Variants in ANGPT1 observed in about 807,000 individuals in gnomAD.
The protein encoded by ANGPT1 is angiopoietin-1.
ANGPT1 carries 17 observed loss-of-function variants against 62.2 expected under a neutral mutation model. That is an observed-to-expected ratio of 0.27 (90% CI 0.19 to 0.41). The LOEUF (loss-of-function observed/expected upper bound fraction) is 0.41. ANGPT1 is among the 10% of genes least tolerant of loss of function. The pLI, the probability that ANGPT1 is intolerant of heterozygous loss-of-function variation, is 1.00. For synonymous variants in ANGPT1, 199 were observed against 198.9 expected, an observed-to-expected ratio of 1.00 and a Z score of 0.00; for missense variants, 478 against 594.9, an observed-to-expected ratio of 0.80 and a Z score of 2.04.
At chr8:107,273,917 C>T (rs1197521427) in intron 7 of ANGPT1, among the ~76,000 whole-genome samples, 3 of 148,276 alleles carry the variant, frequency 2.0e-5, no homozygotes, top group Non-Finnish European at 3.0e-5. Context: ...AAGTCCTTGG[C>T]TTCATCATTA....
In ANGPT1 at chr8:107,409,988, A is replaced by G. The variant is rs554341240; in HGVS notation, c.298-62891T>C. 1.8e-4 allele frequency among the ~76,000 whole-genome samples: 27 copies of G among 147,968 alleles called. No homozygotes were observed. The East Asian group carries it at 2.6e-3, about 14-fold the overall frequency. ...ATCCATCCATCCATCCATCCATCCA[A>G]CCATCCAAGATTTATTGAGCCAGAT... On this transcript the variant is annotated intron_variant, in intron 1 of 8. Coordinates refer to ENST00000517746, the MANE Select transcript of ANGPT1 (RefSeq NM_001146.5).
At position 107,372,370 on chromosome 8, in the gene ANGPT1, A is replaced by G. The variant is rs182520435; in HGVS notation, c.298-25273T>C. Reference sequence around the variant, plus strand: ...TGTATTTAATAAAGGGATATAAGAAAAAAATGTCGGGAAATGTGGGGTTAT... The same window carrying G: ...TGTATTTAATAAAGGGATATAAGAAGAAAATGTCGGGAAATGTGGGGTTAT... On this transcript the variant is annotated intron_variant, in intron 1 of 8. Coordinates refer to ENST00000517746, the MANE Select transcript of ANGPT1 (RefSeq NM_001146.5). 1.4e-4 allele frequency among the ~76,000 whole-genome samples: 21 copies of G among 152,300 alleles called. No individual in the cohort carries two copies. The East Asian group carries it at 4.1e-3, about 29-fold the overall frequency.
intron 1 of ANGPT1, among the ~76,000 whole-genome samples, chr8:107,436,698 C>G (rs1563622119): frequency 6.6e-6 from 1 of 152,098 alleles, no homozygotes; most frequent in African/African-American, 2.4e-5. Context: ...AAAATAGAAC[C>G]CAACACTGAC....
chr8:107,279,625 G>A (rs964256986), intron 7 of ANGPT1, among the ~76,000 whole-genome samples: 6 of 152,126 alleles, frequency 3.9e-5, no homozygotes, highest in African/African-American at 9.7e-5. Context: ...TATAGTATGT[G>A]TGCCTCAAAT....
chr8:107,338,439 C>T (rs1815621124), intron 2 of ANGPT1, among the ~76,000 whole-genome samples: 2 of 152,178 alleles, frequency 1.3e-5, no homozygotes, highest in African/African-American at 2.4e-5. Flanking sequence ...GTCCTAGCCC[C>T]GCAAGGGGTG....
At chr8:107,465,660 TA>T in intron 1 of ANGPT1, among the ~76,000 whole-genome samples, 1 of 152,148 alleles carries the variant, frequency 6.6e-6, no homozygotes, top group African/African-American at 2.4e-5. Flanking sequence ...CGTTTTCAAG[TA>T]AATGCAAAAT....
At chr8:107,336,655 ACT>A (rs1815573830) in intron 2 of ANGPT1, 2 of 124,428 alleles carry the variant, frequency 1.6e-5, no homozygotes, top group Non-Finnish European at 3.2e-5. Context: ...ACAGAGTAAG[ACT>A]CTGTCTCAAA....
chr8:107,487,548 TA>T (rs79026318), intron 1 of ANGPT1, among the ~76,000 whole-genome samples: 43,722 of 148,662 alleles, frequency 0.29, 7,346 homozygotes, highest in Middle Eastern at 0.38. Flanking sequence ...ATTCATCTGC[TA>T]AAAAAAAAAG....
rs1325730912 is a variant in ANGPT1 at position 107,497,679 on chromosome 8, G to A, written c.-121C>T. 8 of 1,082,238 alleles carry A rather than the reference G, an allele frequency of 7.4e-6. No individual in the cohort carries two copies. Among genetic ancestry groups the A allele is most frequent in the African/African-American group, 3.2e-5 (2 of 62,650 alleles). The allele number at this position is 1,082,238 out of a possible 1,614,324, so 67.0% of individuals were successfully genotyped here. A position where few individuals can be genotyped will look rare whatever the true frequency, so the allele number is the denominator to read the frequency against. On this transcript the variant is annotated 5_prime_UTR_variant, in exon 1 of 9. Transcript: ENST00000517746. ...TTTGTTTGACTCTTTCCCCCTCAAA[G>A]AAAGCGTTTGAAGAAGAATCATAGA...
intron 4 of ANGPT1, among the ~76,000 whole-genome samples, chr8:107,306,173 T>C (rs1814711869): frequency 6.6e-6 from 1 of 152,104 alleles, no homozygotes; most frequent in Non-Finnish European, 1.5e-5. Context: ...GAAGAGACAC[T>C]AGCAGAATGT....
In ANGPT1 at chr8:107,398,459, C is replaced by A. The variant is rs990009161; in HGVS notation, c.298-51362G>T. Among the ~76,000 whole-genome samples, 72 of 146,912 alleles carry A rather than the reference C, an allele frequency of 4.9e-4. 1 individual carries two copies. The highest frequency in any genetic ancestry group is 4.7e-3 in the Admixed American group (69 of 14,690). ...CAAATCATTTATAAGTTTTAAAATT[C>A]TTTTAAAATTTAAATATAAATGTTA... On this transcript the variant is annotated intron_variant, in intron 1 of 8. Transcript: ENST00000517746.
At chr8:107,333,645 GA>G in intron 3 of ANGPT1, among the ~76,000 whole-genome samples, 1 of 152,060 alleles carries the variant, frequency 6.6e-6, no homozygotes, top group East Asian at 1.9e-4. Context: ...TTTGGGATCA[GA>G]AGTCAGATTC....
At chr8:107,402,806 T>C (rs1213027786) in intron 1 of ANGPT1, among the ~76,000 whole-genome samples, 1 of 152,210 alleles carries the variant, frequency 6.6e-6, no homozygotes, top group African/African-American at 2.4e-5. Context: ...GGTTATGATG[T>C]TCTTAAAATA....
At chr8:107,393,248 A>C (rs1428295779) in intron 1 of ANGPT1, among the ~76,000 whole-genome samples, 1 of 152,172 alleles carries the variant, frequency 6.6e-6, no homozygotes, top group Non-Finnish European at 1.5e-5. Flanking sequence ...AAAAGGCAAG[A>C]CTATAGAGAA....
At chr8:107,296,295 C>T (rs1001011913) in intron 5 of ANGPT1, among the ~76,000 whole-genome samples, 1 of 151,936 alleles carries the variant, frequency 6.6e-6, no homozygotes, top group Non-Finnish European at 1.5e-5. Flanking sequence ...CTGCTGTCCC[C>T]AGTACCTAGA....
At chr8:107,270,980 A>C (rs1813720593) in intron 7 of ANGPT1, among the ~76,000 whole-genome samples, 1 of 152,050 alleles carries the variant, frequency 6.6e-6, no homozygotes, top group African/African-American at 2.4e-5. Flanking sequence ...TATACAGATC[A>C]AGCAGATACA....
At chr8:107,435,124 T>A (rs1211832846) in intron 1 of ANGPT1, among the ~76,000 whole-genome samples, 2 of 152,152 alleles carry the variant, frequency 1.3e-5, no homozygotes, top group African/African-American at 2.4e-5. Context: ...GGACTGTAAA[T>A]GAGCACAAGG....
At chr8:107,292,060 A>T (rs1814291383) in intron 6 of ANGPT1, among the ~76,000 whole-genome samples, 1 of 152,014 alleles carries the variant, frequency 6.6e-6, no homozygotes, top group Admixed American at 6.6e-5. Context: ...TAATTCAGTA[A>T]ATCTGGTCCA....
intron 2 of ANGPT1, 36 bp from the exon 3 acceptor site, chr8:107,336,307 T>C: frequency 1.4e-5 from 21 of 1,554,858 alleles, no homozygotes; most frequent in Non-Finnish European, 1.7e-5. Context: ...CAAACTTCAG[T>C]CACGAATCAA....
Sources: allele counts gnomAD v4.1 joint callset (sites outside exome capture counted in the v4.1 genomes callset), GRCh38; gene constraint gnomAD v4.1.1; transcripts MANE v1.5; gene names NCBI Gene and HGNC (gene_info 2026-07-23, HGNC 2026-07-21).